EYA4: variants seen among roughly 807,000 people sequenced by gnomAD.
EYA4 encodes EYA transcriptional coactivator and phosphatase 4, also known as protein phosphatase EYA4.
Under a neutral mutation model 87.9 loss-of-function variants are expected in EYA4, and 31 were observed. That is an observed-to-expected ratio of 0.35 (90% CI 0.27 to 0.48). EYA4 has a LOEUF of 0.48. EYA4 is among the 20% of genes least tolerant of loss of function. The pLI is 0.99. For missense variants in EYA4, 678 were observed against 761.4 expected (o/e 0.89, Z 1.29); for synonymous variants, 263 against 270.6 (o/e 0.97, Z 0.28).
intron 3 of EYA4, among the ~76,000 whole-genome samples, chr6:133,441,982 AC>A (rs1792351801): frequency 6.6e-6 from 1 of 151,378 alleles, no homozygotes; most frequent in Non-Finnish European, 1.5e-5. Context: ...TCCATATATG[AC>A]AGATGTATAT....
intron 10 of EYA4, among the ~76,000 whole-genome samples, chr6:133,466,607 A>G (rs1173836810): frequency 1.3e-5 from 2 of 152,114 alleles, no homozygotes; most frequent in Non-Finnish European, 2.9e-5. Flanking sequence ...TCAACTGAAT[A>G]TAATTTTGAA....
At chr6:133,527,751 A>G (rs2128824279) in intron 19 of EYA4, among the ~76,000 whole-genome samples, 1 of 152,268 alleles carries the variant, frequency 6.6e-6, no homozygotes, top group Non-Finnish European at 1.5e-5. Flanking sequence ...TTAGTTCTTA[A>G]ATAAAATATC....
chr6:133,343,104 C>A (rs754703349), intron 2 of EYA4, among the ~76,000 whole-genome samples: 3 of 151,940 alleles, frequency 2.0e-5, no homozygotes, highest in African/African-American at 7.3e-5. Flanking sequence ...GTTATATGGA[C>A]AGTTCTAGAA....
intron 3 of EYA4, among the ~76,000 whole-genome samples, chr6:133,436,223 GAAA>G (rs537669152): frequency 7.5e-6 from 1 of 133,482 alleles, no homozygotes; most frequent in Non-Finnish European, 1.6e-5. Context: ...CCGTCTTGAG[GAAA>G]AAAAAAAAAA....
intron 1 of EYA4, among the ~76,000 whole-genome samples, chr6:133,250,936 G>A (rs1774847003): frequency 6.6e-6 from 1 of 152,130 alleles, no homozygotes; most frequent in Admixed American, 6.5e-5. Flanking sequence ...TAGAGCTGAA[G>A]GTCTTTTTTG....
intron 11 of EYA4, among the ~76,000 whole-genome samples, chr6:133,469,916 C>T (rs543033831): frequency 2.0e-3 from 301 of 152,054 alleles, no homozygotes; most frequent in Middle Eastern, 3.4e-3. Flanking sequence ...TCATGTCCTT[C>T]GCCCACTTTT....
intron 2 of EYA4, among the ~76,000 whole-genome samples, chr6:133,277,036 G>A (rs867179679): frequency 1.3e-5 from 2 of 152,010 alleles, no homozygotes; most frequent in Middle Eastern, 3.4e-3. Flanking sequence ...AAAAATGATA[G>A]CATTTATTAA....
In EYA4 at chr6:133,529,807, C is replaced by T. The variant is rs1051281941; in HGVS notation, c.*1002C>T. Reference sequence around the variant, plus strand: ...TATGTAGAAGTCTCAAGTACCCCTTCTACAGTTTTACTGGAGAAAACTAAG... The same window carrying T: ...TATGTAGAAGTCTCAAGTACCCCTTTTACAGTTTTACTGGAGAAAACTAAG... On this transcript the variant is annotated 3_prime_UTR_variant, in exon 20 of 20. Coordinates refer to ENST00000355286, the MANE Select transcript of EYA4 (RefSeq NM_004100.5). 1.0e-6 allele frequency: 1 copy of T among 985,266 alleles called. No homozygotes were observed. The highest frequency in any genetic ancestry group is 1.2e-6 in the Non-Finnish European group (1 of 829,814). The allele number at this position is 985,266 out of a possible 1,614,324, so 61.0% of individuals were successfully genotyped here.
chr6:133,267,096 A>G (rs553054404), intron 1 of EYA4, among the ~76,000 whole-genome samples: 6 of 152,306 alleles, frequency 3.9e-5, no homozygotes, highest in African/African-American at 1.2e-4. Context: ...ATTCATTTTC[A>G]CTATCTGCTG....
At chr6:133,519,208 G>A (rs1251104542) in intron 17 of EYA4, among the ~76,000 whole-genome samples, 31 of 150,830 alleles carry the variant, frequency 2.1e-4, no homozygotes, top group African/African-American at 5.1e-4. Context: ...GAATCCAGGA[G>A]CTGGTTTTTT....
At chr6:133,335,981 A>T (rs1782336896) in intron 2 of EYA4, among the ~76,000 whole-genome samples, 1 of 152,172 alleles carries the variant, frequency 6.6e-6, no homozygotes, top group Non-Finnish European at 1.5e-5. Context: ...AATGATTGTG[A>T]TTTATTATAA....
chr6:133,408,233 A>C (rs943722889), intron 3 of EYA4, among the ~76,000 whole-genome samples: 1 of 152,166 alleles, frequency 6.6e-6, no homozygotes, highest in African/African-American at 2.4e-5. Flanking sequence ...TACCTGGCTG[A>C]AGGTCTCAGT....
chr6:133,245,742 C>T (rs1049670049), intron 1 of EYA4, among the ~76,000 whole-genome samples: 2 of 152,128 alleles, frequency 1.3e-5, no homozygotes, highest in Non-Finnish European at 2.9e-5. Context: ...CCAAACTTGG[C>T]GTCATTTAGC....
At chr6:133,510,414 C>A in intron 14 of EYA4, 2 of 318,624 alleles carry the variant, frequency 6.3e-6, no homozygotes, top group East Asian at 1.6e-4. Context: ...AAGTATGTCA[C>A]CATCTCTAAA....
chr6:133,504,355 G>T (rs1020126752), intron 13 of EYA4, among the ~76,000 whole-genome samples: 3 of 152,186 alleles, frequency 2.0e-5, no homozygotes, highest in African/African-American at 7.2e-5. Context: ...TCAAGCTACC[G>T]GATGACATAA....
intron 5 of EYA4, among the ~76,000 whole-genome samples, chr6:133,452,288 A>G (rs895758091): frequency 1.3e-5 from 2 of 152,184 alleles, no homozygotes; most frequent in Admixed American, 6.5e-5. Flanking sequence ...AGTTTTTTAA[A>G]TGGACACCTT....
intron 2 of EYA4, among the ~76,000 whole-genome samples, chr6:133,291,263 A>G (rs1778466918): frequency 6.6e-6 from 1 of 152,230 alleles, no homozygotes; most frequent in African/African-American, 2.4e-5. Context: ...AAGTTAAAAT[A>G]TTTATTCAAC....
At chr6:133,506,693 G>C (rs1227910542) in intron 14 of EYA4, among the ~76,000 whole-genome samples, 1 of 152,144 alleles carries the variant, frequency 6.6e-6, no homozygotes, top group African/African-American at 2.4e-5. Context: ...GCATTTAAAT[G>C]CATTTATTTT....
At chr6:133,496,415 T>C (rs979844784) in intron 13 of EYA4, among the ~76,000 whole-genome samples, 8 of 152,156 alleles carry the variant, frequency 5.3e-5, no homozygotes, top group African/African-American at 1.4e-4. Flanking sequence ...CATCACTGTA[T>C]AGAACATCTA....
Sources: gnomAD v4.1 joint callset for allele counts (sites outside exome capture counted in the v4.1 genomes callset) on GRCh38, gnomAD v4.1.1 for gene constraint, MANE v1.5 for transcripts, NCBI Gene and HGNC (gene_info 2026-07-23, HGNC 2026-07-21) for gene names.